The following LRRIQ1 variants were observed in gnomAD, a reference collection of about 807,000 sequenced individuals.
LRRIQ1 encodes leucine rich repeats and IQ motif containing 1.
A neutral mutation model predicts 211.9 loss-of-function variants in LRRIQ1; 210 were observed. The ratio of observed to expected loss-of-function variants is 0.99; its 90% CI spans 0.89 to 1.11. The LOEUF (loss-of-function observed/expected upper bound fraction) is 1.11. Ranked by LOEUF, LRRIQ1 falls within the 50% of genes most tolerant of loss-of-function variation. The pLI is 0.00. For synonymous variants in LRRIQ1, 699 were observed against 650.1 expected, an observed-to-expected ratio of 1.08 and a Z score of -1.14; for missense variants, 2,136 against 1,939.5, an observed-to-expected ratio of 1.10 and a Z score of -1.90.
At chr12:85,234,207 A>G (rs1895077036) in intron 26 of LRRIQ1, among the ~76,000 whole-genome samples, 1 of 152,184 alleles carries the variant, frequency 6.6e-6, no homozygotes, top group Non-Finnish European at 1.5e-5. Flanking sequence ...ACTGTACTCC[A>G]GATTGGATGT....
intron 24 of LRRIQ1, among the ~76,000 whole-genome samples, chr12:85,181,149 A>G (rs1891962496): frequency 1.9e-5 from 1 of 53,232 alleles, no homozygotes; most frequent in South Asian, 4.0e-4. Flanking sequence ...CATGAATTAA[A>G]GAAGAAACTG....
intron 24 of LRRIQ1, among the ~76,000 whole-genome samples, chr12:85,216,374 T>C (rs1020807129): frequency 2.6e-5 from 4 of 152,054 alleles, no homozygotes; most frequent in Admixed American, 6.6e-5. Context: ...TGGTATTCCA[T>C]GGTGAATTAG....
At chr12:85,257,128 AATATAT>A (rs1256537523) in intron 1 of LRRIQ1, among the ~76,000 whole-genome samples, 1 of 17,444 alleles carries the variant, frequency 5.7e-5, no homozygotes, top group African/African-American at 2.1e-4. Flanking sequence ...CATAATATAT[AATATAT>A]ATTATATATT....
At chr12:85,044,454 G>C (rs1050971638) in intron 3 of LRRIQ1, among the ~76,000 whole-genome samples, 3 of 151,822 alleles carry the variant, frequency 2.0e-5, no homozygotes, top group Non-Finnish European at 4.4e-5. Flanking sequence ...TTTTTGCCTG[G>C]GAAATAAACT....
chr12:85,143,119 T>C (rs1215860741), intron 19 of LRRIQ1, among the ~76,000 whole-genome samples: 1 of 151,654 alleles, frequency 6.6e-6, no homozygotes, highest in Admixed American at 6.6e-5. Context: ...TACCAGCACA[T>C]GTTATCTTTT....
intron 24 of LRRIQ1, among the ~76,000 whole-genome samples, chr12:85,215,085 C>G (rs1240878565): frequency 6.6e-6 from 1 of 152,136 alleles, no homozygotes; most frequent in Non-Finnish European, 1.5e-5. Context: ...GTGATAATCT[C>G]ATTTGCAACC....
At chr12:85,042,444 T>G (rs916394588) in intron 3 of LRRIQ1, among the ~76,000 whole-genome samples, 6 of 148,248 alleles carry the variant, frequency 4.0e-5, no homozygotes, top group African/African-American at 1.5e-4. Context: ...TTATTTTAAT[T>G]TATTAAATTA....
Position 85,065,309 on chromosome 12 carries a change from A to G in LRRIQ1, c.2439A>G (p.Thr813=), listed in dbSNP as rs769803503. The change falls in exon 9 of 27, where the codon ACA becomes ACG. Residue 813 remains threonine, a synonymous_variant. Transcript: ENST00000393217. ...ATTTGCCAGGCTGTGTTCTCTCCAC[A>G]CTGGCAGAGTGTACAAATCTTCAGT... ...FQDLPGCVLS[T]LAECTNLQFL... The G allele has an allele frequency of 1.2e-6, 2 of 1,610,714 alleles. No homozygotes were observed. Among genetic ancestry groups the G allele is most frequent in the African/African-American group, 1.3e-5 (1 of 74,652 alleles).
At chr12:85,221,038 C>T (rs1894378554) in intron 24 of LRRIQ1, among the ~76,000 whole-genome samples, 1 of 152,004 alleles carries the variant, frequency 6.6e-6, no homozygotes, top group Admixed American at 6.6e-5. Flanking sequence ...TCTCGAACTA[C>T]TGACCTCAGG....
At chr12:85,217,661 T>A (rs1381168470) in intron 24 of LRRIQ1, among the ~76,000 whole-genome samples, 1 of 129,462 alleles carries the variant, frequency 7.7e-6, no homozygotes, top group African/African-American at 4.1e-5. Flanking sequence ...TATGTATATA[T>A]GTATATATGT....
intron 13 of LRRIQ1, among the ~76,000 whole-genome samples, chr12:85,102,243 T>C (rs1306355023): frequency 6.6e-6 from 1 of 151,724 alleles, no homozygotes; most frequent in Non-Finnish European, 1.5e-5. Flanking sequence ...GAATTTCCTC[T>C]ATCCCTCCAT....
In LRRIQ1 at chr12:85,232,661, A is replaced by G. The variant is rs374421126; in HGVS notation, c.4956-35A>G. Reference sequence around the variant, plus strand: ...TTTTATATGCTTCCTCTACATTTACATTATAAAATACTTTCTGTTTTTGTC... The same window carrying G: ...TTTTATATGCTTCCTCTACATTTACGTTATAAAATACTTTCTGTTTTTGTC... On this transcript the variant is annotated intron_variant, in intron 25 of 26. Transcript: ENST00000393217. 1.3e-5 allele frequency: 21 copies of G among 1,558,120 alleles called. No individual in the cohort carries two copies. The African/African-American group carries it at 1.9e-4, about 14-fold the overall frequency.
chr12:85,169,209 G>A (rs1303319233), intron 24 of LRRIQ1, among the ~76,000 whole-genome samples: 1 of 152,120 alleles, frequency 6.6e-6, no homozygotes, highest in Non-Finnish European at 1.5e-5. Flanking sequence ...GCATTTGCAA[G>A]GAATGAAGGA....
downstream of LRRIQ1, among the ~76,000 whole-genome samples, chr12:85,268,076 C>T (rs1402748772): frequency 1.3e-5 from 2 of 151,822 alleles, no homozygotes; most frequent in Non-Finnish European, 2.9e-5. Flanking sequence ...ATACTCTAAG[C>T]AGATTAAAAT....
intron 24 of LRRIQ1, among the ~76,000 whole-genome samples, chr12:85,170,436 CAAAA>C (rs1286301475): frequency 6.6e-6 from 1 of 150,396 alleles, no homozygotes; most frequent in Non-Finnish European, 1.5e-5. Context: ...TATGCATATA[CAAAA>C]AATTGTATAT....
intron 24 of LRRIQ1, among the ~76,000 whole-genome samples, chr12:85,186,649 C>CA (rs1425772357): frequency 1.3e-5 from 2 of 151,884 alleles, no homozygotes; most frequent in South Asian, 2.1e-4. Flanking sequence ...GTGAAATATG[C>CA]AAAAAATATA....
At chr12:85,071,698 G>A (rs923401479) in intron 10 of LRRIQ1, among the ~76,000 whole-genome samples, 1 of 151,970 alleles carries the variant, frequency 6.6e-6, no homozygotes, top group Non-Finnish European at 1.5e-5. Context: ...AGTTCCACAC[G>A]GCTGGGGCCT....
intron 24 of LRRIQ1, among the ~76,000 whole-genome samples, chr12:85,202,130 A>G (rs895938675): frequency 3.3e-5 from 5 of 151,954 alleles, no homozygotes; most frequent in Non-Finnish European, 5.9e-5. Flanking sequence ...TTATTGTGCT[A>G]TGGTCTTGAT....
In LRRIQ1 at chr12:85,106,563, C is replaced by G. The variant is rs1886797984; in HGVS notation, c.3325C>G (p.Leu1109Val). The G allele has an allele frequency of 5.0e-6, 8 of 1,612,602 alleles. No individual in the cohort carries two copies. Among genetic ancestry groups the G allele is most frequent in the Middle Eastern group, 1.7e-4 (1 of 6,052 alleles). The part of the protein sequence containing the change: ...AIKWFDACYS[L>V]HELSLTGNPL... Reference sequence around the variant, plus strand: ...AAAATGGTTTGATGCATGCTATTCTCTCCATGAATTGTCTCTTACTGGAAA... The same window carrying G: ...AAAATGGTTTGATGCATGCTATTCTGTCCATGAATTGTCTCTTACTGGAAA... The change falls in exon 15 of 27, where the codon CTC becomes GTC. Residue 1109 changes from leucine (L) to valine (V), a missense_variant. Coordinates refer to ENST00000393217, the MANE Select transcript of LRRIQ1 (RefSeq NM_001079910.2).
Sources: gnomAD v4.1 joint callset for allele counts (sites outside exome capture counted in the v4.1 genomes callset) on GRCh38, gnomAD v4.1.1 for gene constraint, MANE v1.5 for transcripts, NCBI Gene and HGNC (gene_info 2026-07-23, HGNC 2026-07-21) for gene names.